Variants in EGLN1 observed in about 807,000 individuals in gnomAD.
EGLN1 encodes egl-9 family hypoxia inducible factor 1.
EGLN1 carries 17 observed loss-of-function variants against 38.3 expected under a neutral mutation model. The ratio of observed to expected loss-of-function variants is 0.44; its 90% CI spans 0.30 to 0.67. The LOEUF is 0.67. Among genes scored for constraint, EGLN1 ranks in the 30% least tolerant of loss-of-function variants. The probability of loss-of-function intolerance (pLI) is 0.08; values close to 1 mark genes in which losing one functional copy is unlikely to be tolerated. For synonymous variants in EGLN1, 283 were observed against 257.5 expected (o/e 1.10, Z -0.95); for missense variants, 477 against 603.3 (o/e 0.79, Z 2.19).
chr1:231,382,407 T>G (rs1025585799), intron 1 of EGLN1, among the ~76,000 whole-genome samples: 4 of 152,214 alleles, frequency 2.6e-5, no homozygotes, highest in African/African-American at 7.2e-5. Context: ...TGAGGAAAGC[T>G]TGTAATCAAA....
intron 1 of EGLN1, among the ~76,000 whole-genome samples, chr1:231,390,421 T>C (rs1485160908): frequency 1.3e-5 from 2 of 152,248 alleles, no homozygotes; most frequent in African/African-American, 4.8e-5. Flanking sequence ...TTAATCTTTA[T>C]AGTCTCAATC....
At chr1:231,372,474 C>G (rs1194908046) in intron 2 of EGLN1, among the ~76,000 whole-genome samples, 1 of 152,164 alleles carries the variant, frequency 6.6e-6, no homozygotes, top group Non-Finnish European at 1.5e-5. Flanking sequence ...AAAAGCCTAA[C>G]AAAATCTAGA....
intron 1 of EGLN1, among the ~76,000 whole-genome samples, chr1:231,400,027 G>A (rs1408715766): frequency 3.9e-5 from 6 of 152,156 alleles, no homozygotes; most frequent in Non-Finnish European, 8.8e-5. Context: ...GGGGAAAAAG[G>A]TAAGAGAATA....
At chr1:231,378,252 A>C (rs1460552280) in intron 1 of EGLN1, among the ~76,000 whole-genome samples, 1 of 152,284 alleles carries the variant, frequency 6.6e-6, no homozygotes, top group East Asian at 1.9e-4. Context: ...AAAAATACCA[A>C]CATAACCCTA....
At chr1:231,408,186 G>T (rs549584) in intron 1 of EGLN1, among the ~76,000 whole-genome samples, 22,690 of 152,186 alleles carry the variant, frequency 0.15, 2,077 homozygotes, top group African/African-American at 0.24. Context: ...TTCAGAGTTC[G>T]GGAGGATATC....
intron 1 of EGLN1, among the ~76,000 whole-genome samples, chr1:231,377,344 A>G (rs1210202920): frequency 6.6e-6 from 1 of 152,230 alleles, no homozygotes; most frequent in Non-Finnish European, 1.5e-5. Context: ...GACTGCAGGA[A>G]GCAAAGAGTG....
intron 1 of EGLN1, among the ~76,000 whole-genome samples, chr1:231,376,589 T>C (rs1687963390): frequency 6.6e-6 from 1 of 152,170 alleles, no homozygotes; most frequent in Non-Finnish European, 1.5e-5. Context: ...GTTTCAGGCA[T>C]CCACTTGGTC....
chr1:231,411,533 C>T (rs1207990404), intron 1 of EGLN1, among the ~76,000 whole-genome samples: 1 of 152,090 alleles, frequency 6.6e-6, no homozygotes, highest in Non-Finnish European at 1.5e-5. Context: ...AAAAATTAGC[C>T]TTAAACTGAA....
At chr1:231,419,733 G>A (rs1572056013) in intron 1 of EGLN1, among the ~76,000 whole-genome samples, 1 of 152,290 alleles carries the variant, frequency 6.6e-6, no homozygotes, top group Non-Finnish European at 1.5e-5. Context: ...GTGGCAATAG[G>A]TAAATTAGAC....
chr1:231,377,711 C>T (rs962079465), intron 1 of EGLN1, among the ~76,000 whole-genome samples: 1 of 152,154 alleles, frequency 6.6e-6, no homozygotes, highest in African/African-American at 2.4e-5. Flanking sequence ...TTATTCACTT[C>T]TAAACTCTTT....
At chr1:231,400,530 C>CT (rs1688640153) in intron 1 of EGLN1, among the ~76,000 whole-genome samples, 1 of 152,070 alleles carries the variant, frequency 6.6e-6, no homozygotes, top group Non-Finnish European at 1.5e-5. Context: ...ACTACTTGAC[C>CT]AATACCATAT....
At position 231,377,954 on chromosome 1, in the gene EGLN1, T is replaced by C. The variant is rs557953331; in HGVS notation, c.892-3855A>G. 2.6e-5 allele frequency among the ~76,000 whole-genome samples: 4 copies of C among 152,356 alleles called. No homozygotes were observed. The South Asian group carries it at 8.3e-4, about 32-fold the overall frequency. ...CGTTTTGAAGAAAAGTTTTAATAAA[T>C]TTAATGTAATTGTGTTAAGTTCTAT... On this transcript the variant is annotated intron_variant, in intron 1 of 4. Transcript: ENST00000366641.
chr1:231,405,854 T>C (rs2102930741), intron 1 of EGLN1, among the ~76,000 whole-genome samples: 1 of 152,230 alleles, frequency 6.6e-6, no homozygotes, highest in East Asian at 1.9e-4. Context: ...TTCTTCCATA[T>C]TCTGCAGATA....
At position 231,364,074 on chromosome 1, in the gene EGLN1, TTAAA is replaced by T. The variant is rs1412846655; in HGVS notation, c.*2333_*2336del. The T allele has an allele frequency of 3.9e-5, 6 of 152,210 alleles. No individual in the cohort carries two copies. Among genetic ancestry groups the T allele is most frequent in the Admixed American group, 6.5e-5 (1 of 15,284 alleles). 9.4% of individuals were successfully genotyped at this position (152,210 alleles called of 1,614,324 possible). A position where few individuals can be genotyped will look rare whatever the true frequency, so the allele number is the denominator to read the frequency against. On this transcript the variant is annotated 3_prime_UTR_variant, in exon 5 of 5. Coordinates refer to ENST00000366641, the MANE Select transcript of EGLN1 (RefSeq NM_022051.3). Reference sequence around the variant, plus strand: ...CCCACTAACATGAAATGAATGGATATTAAATAAATGGCCATCCTGATTTCTTGAT... The same window carrying T: ...CCCACTAACATGAAATGAATGGATATTAAATGGCCATCCTGATTTCTTGAT...
intron 4 of EGLN1, 120 bp downstream of exon 4, chr1:231,367,448 AT>A: frequency 1.9e-6 from 2 of 1,053,478 alleles, no homozygotes; most frequent in Non-Finnish European, 2.9e-6. Flanking sequence ...AAGAAATCTG[AT>A]AAAAAACAAA....
At chr1:231,412,939 T>C (rs1315163215) in intron 1 of EGLN1, among the ~76,000 whole-genome samples, 1 of 152,198 alleles carries the variant, frequency 6.6e-6, no homozygotes, top group Non-Finnish European at 1.5e-5. Context: ...ATCTAATGTA[T>C]CAGCAAATCT....
At chr1:231,370,462 T>C in intron 3 of EGLN1, 100 bp downstream of exon 3, 5 of 1,268,412 alleles carry the variant, frequency 3.9e-6, no homozygotes, top group Non-Finnish European at 5.7e-6. Context: ...GAAAAGTACC[T>C]GGCAGGAAAA....
chr1:231,416,441 T>C (rs1355917232), intron 1 of EGLN1, among the ~76,000 whole-genome samples: 1 of 151,910 alleles, frequency 6.6e-6, no homozygotes, highest in Non-Finnish European at 1.5e-5. Flanking sequence ...AAAAAATTTT[T>C]TTTTTTTTTT....
At chr1:231,396,586 C>G (rs1445720097) in intron 1 of EGLN1, among the ~76,000 whole-genome samples, 1 of 152,120 alleles carries the variant, frequency 6.6e-6, no homozygotes, top group Non-Finnish European at 1.5e-5. Flanking sequence ...AATACCCTTG[C>G]TATAGACAAC....
Sources: gnomAD v4.1 joint callset for allele counts (sites outside exome capture counted in the v4.1 genomes callset) on GRCh38, gnomAD v4.1.1 for gene constraint, MANE v1.5 for transcripts, NCBI Gene and HGNC (gene_info 2026-07-23, HGNC 2026-07-21) for gene names.